ANKRD62: variants seen among roughly 807,000 people sequenced by gnomAD.
ANKRD62 encodes ankyrin repeat domain 62.
In ANKRD62, 61 loss-of-function variants were observed where a neutral mutation model predicts 98.8. That is an observed-to-expected ratio of 0.62 (90% confidence interval 0.50 to 0.76). The LOEUF is 0.76. Ranked by LOEUF, ANKRD62 falls within the 30% of genes least tolerant of loss-of-function variation. ANKRD62 has a pLI of 0.00. For synonymous variants in ANKRD62, 341 were observed against 367.9 expected, an observed-to-expected ratio of 0.93 and a Z score of 0.84; for missense variants, 933 against 1,082.9, an observed-to-expected ratio of 0.86 and a Z score of 1.94.
the ANKRD62 span, among the ~76,000 whole-genome samples, chr18:12,171,069 G>A: frequency 6.6e-6 from 1 of 151,476 alleles, no homozygotes; most frequent in African/African-American, 2.4e-5. Context: ...ACAGCACACT[G>A]ATGGGTCTTC....
chr18:12,115,296 G>T, intron 9 of ANKRD62, 97 bp from the exon 10 acceptor site: 4 of 1,317,920 alleles, frequency 3.0e-6, no homozygotes, highest in Admixed American at 2.9e-5. Context: ...CTGTGTTTTT[G>T]CTCATGTAAA....
chr18:12,102,088 A>G, intron 6 of ANKRD62: 2 of 1,369,372 alleles, frequency 1.5e-6, no homozygotes, highest in Admixed American at 3.3e-5. Context: ...AAGTGCCAGA[A>G]GCTCTGCCTT....
chr18:12,173,222 A>G, the ANKRD62 span, among the ~76,000 whole-genome samples: 13 of 152,218 alleles, frequency 8.5e-5, no homozygotes, highest in African/African-American at 2.4e-4. Flanking sequence ...GTTCCTATTC[A>G]GCCATCTTGG....
At chr18:12,178,212 A>G in the ANKRD62 span, among the ~76,000 whole-genome samples, 3 of 151,236 alleles carry the variant, frequency 2.0e-5, no homozygotes, top group South Asian at 2.1e-4. Context: ...TTACCTGGAG[A>G]GGTGAGGAAG....
intron 10 of ANKRD62, among the ~76,000 whole-genome samples, chr18:12,117,207 T>C (rs1909683171): frequency 6.6e-6 from 1 of 152,170 alleles, no homozygotes; most frequent in Admixed American, 6.5e-5. Context: ...TTTTCAAACC[T>C]TTTCTTTCTC....
At chr18:12,125,093 G>T (rs1208567687) in intron 12 of ANKRD62, among the ~76,000 whole-genome samples, 1 of 152,236 alleles carries the variant, frequency 6.6e-6, no homozygotes, top group African/African-American at 2.4e-5. Flanking sequence ...GAAAGTAAAG[G>T]TTAGATGTTA....
rs1048908023 is a variant in ANKRD62, at chr18:12,124,272, C to G, written c.1590C>G (p.Leu530=). ...TEVKKQSKLT[L]KSLEVELKTV... The stretch of plus-strand genomic sequence containing the variant: ...TGAAAAAACAATCTAAACTGACTCT[C>G]AAATCATTGGAAGTGGAATTGAAGA... Residue 530 remains leucine, a synonymous_variant, in exon 12 of 14, where the codon CTC becomes CTG. Coordinates refer to ENST00000587848, the MANE Select transcript of ANKRD62 (RefSeq NM_001277333.2). The G allele has an allele frequency of 1.5e-6, 2 of 1,321,816 alleles. No individual in the cohort carries two copies. Among genetic ancestry groups the G allele is most frequent in the Non-Finnish European group, 2.1e-6 (2 of 973,598 alleles). The allele number at this position is 1,321,816 out of a possible 1,614,324, so 81.9% of individuals were successfully genotyped here. A position where few individuals can be genotyped will look rare whatever the true frequency, so the allele number is the denominator to read the frequency against.
At chr18:12,139,668 A>T in the ANKRD62 span, among the ~76,000 whole-genome samples, 2 of 151,878 alleles carry the variant, frequency 1.3e-5, no homozygotes, top group African/African-American at 4.8e-5. Context: ...AATGTTGAGT[A>T]TTGGCCCCCA....
the ANKRD62 span, among the ~76,000 whole-genome samples, chr18:12,173,618 T>C: frequency 1.3e-3 from 193 of 152,348 alleles, no homozygotes; most frequent in African/African-American, 4.1e-3. Context: ...TGTGTTTTTG[T>C]AGTGGCTGGT....
intron 3 of ANKRD62, 119 bp from the exon 4 acceptor site, chr18:12,096,077 T>G: frequency 1.4e-6 from 1 of 706,390 alleles, no homozygotes; most frequent in Non-Finnish European, 2.3e-6. Context: ...AAGGAAGGGA[T>G]TGCTTTTTAT....
intron 10 of ANKRD62, among the ~76,000 whole-genome samples, chr18:12,116,913 A>G (rs1221596422): frequency 1.3e-5 from 2 of 152,112 alleles, no homozygotes; most frequent in Non-Finnish European, 2.9e-5. Flanking sequence ...CTGCATTTAT[A>G]TGTCATATTT....
chr18:12,160,947 A>C, the ANKRD62 span, among the ~76,000 whole-genome samples: 1 of 152,126 alleles, frequency 6.6e-6, no homozygotes, highest in Non-Finnish European at 1.5e-5. Flanking sequence ...GGCTCATGAT[A>C]ATTATAATTA....
In ANKRD62 at chr18:12,125,680, G is replaced by T; in HGVS notation, c.1859G>T (p.Arg620Leu). Residue 620 changes from arginine to leucine, a missense_variant, in exon 13 of 14, where the codon CGG becomes CTG. Transcript: ENST00000587848. ...GAAGCATTAACAAAAACAATAACCC[G>T]GTATAGTAAAGAGCTTAATGTTCTG... is the stretch of plus-strand genomic sequence containing the variant. The part of the protein sequence containing the change: ...NEEALTKTIT[R>L]YSKELNVLMD... 3 of 1,537,338 alleles carry T rather than the reference G, an allele frequency of 2.0e-6. No individual in the cohort carries two copies. The highest frequency in any genetic ancestry group is 2.6e-6 in the Non-Finnish European group (3 of 1,146,568).
At chr18:12,096,033 A>G (rs374383075) in intron 3 of ANKRD62, among the ~76,000 whole-genome samples, 163 bp from the exon 4 acceptor site, 1 of 152,330 alleles carries the variant, frequency 6.6e-6, no homozygotes, top group African/African-American at 2.4e-5. Context: ...CTGAAAGGGA[A>G]GGAGCAACAT....
rs140160741 is a variant in ANKRD62 at position 12,127,790 on chromosome 18, A to C, written c.2605A>C (p.Asn869His). ...TCAACGAGAAGTGGATGATGCCCTG[A>C]ACAAACAATTGCTGTTAGAAGCTAT... ...QLQREVDDAL[N>H]KQLLLEAMLE... Residue 869 changes from asparagine to histidine, a missense_variant, in exon 14 of 14, where the codon AAC becomes CAC. Around this residue, in one of 3 missense-constraint regions of ANKRD62, gnomAD observed 362 missense variants for 434.5 expected, o/e 0.83. Transcript: ENST00000587848. 1,118 of 1,496,408 alleles carry C rather than the reference A, an allele frequency of 7.5e-4. 24 individuals carry two copies. In the East Asian group the frequency reaches 0.028, roughly 38 times the overall value. 92.7% of individuals were successfully genotyped at this position (1,496,408 alleles called of 1,614,324 possible).
At chr18:12,111,244 C>T (rs574605262) in intron 8 of ANKRD62, among the ~76,000 whole-genome samples, 1 of 121,510 alleles carries the variant, frequency 8.2e-6, no homozygotes, top group East Asian at 2.0e-4. Flanking sequence ...GCGAGACTGC[C>T]TCTCAAAAAA....
chr18:12,146,277 C>T, the ANKRD62 span, among the ~76,000 whole-genome samples: 3 of 152,224 alleles, frequency 2.0e-5, no homozygotes, highest in Non-Finnish European at 4.4e-5. Flanking sequence ...CATCTTAAAC[C>T]TCACTCTGTG....
the ANKRD62 span, among the ~76,000 whole-genome samples, chr18:12,135,148 C>G: frequency 3.3e-5 from 5 of 149,496 alleles, no homozygotes; most frequent in African/African-American, 1.3e-4. Context: ...CCCATTAACT[C>G]GTCATTTAAC....
At chr18:12,172,635 T>A in the ANKRD62 span, among the ~76,000 whole-genome samples, 1 of 152,226 alleles carries the variant, frequency 6.6e-6, no homozygotes, top group Non-Finnish European at 1.5e-5. Flanking sequence ...ACCACTACTC[T>A]CTTCAAAGCT....
Sources: allele counts gnomAD v4.1 joint callset (sites outside exome capture counted in the v4.1 genomes callset), GRCh38; gene constraint gnomAD v4.1.1; regional missense constraint gnomAD v4.1.1; transcripts MANE v1.5; gene names NCBI Gene and HGNC (gene_info 2026-07-23, HGNC 2026-07-21).